INPP4B: variants seen among roughly 807,000 people sequenced by gnomAD.
The protein encoded by INPP4B is inositol polyphosphate 4-phosphatase type II.
In INPP4B, 55 loss-of-function variants were observed where a neutral mutation model predicts 122.5. The ratio of observed to expected loss-of-function variants is 0.45; its 90% CI spans 0.36 to 0.56. The LOEUF is 0.56. INPP4B is among the 20% of genes least tolerant of loss of function. The pLI, the probability that INPP4B is intolerant of heterozygous loss-of-function variation, is 0.00. For synonymous variants in INPP4B, 403 were observed against 388.7 expected (o/e 1.04, Z -0.43); for missense variants, 1,000 against 1,097.7 (o/e 0.91, Z 1.26).
intron 15 of INPP4B, among the ~76,000 whole-genome samples, chr4:142,175,918 A>G (rs2152957876): frequency 6.6e-6 from 1 of 152,178 alleles, no homozygotes; most frequent in South Asian, 2.1e-4. Flanking sequence ...AGCAGGACCT[A>G]CTTACAGACC....
At chr4:142,585,654 A>G (rs1424238037) in intron 2 of INPP4B, among the ~76,000 whole-genome samples, 2 of 152,032 alleles carry the variant, frequency 1.3e-5, no homozygotes, top group Non-Finnish European at 2.9e-5. Context: ...TCTCAGGAAA[A>G]GTTCCAGAAA....
chr4:142,138,261 T>C (rs1805726538), intron 18 of INPP4B, among the ~76,000 whole-genome samples: 1 of 151,260 alleles, frequency 6.6e-6, no homozygotes, highest in African/African-American at 2.4e-5. Flanking sequence ...CTGGAAATCA[T>C]CATTCTCAGT....
intron 1 of INPP4B, among the ~76,000 whole-genome samples, chr4:142,841,345 A>G (rs1783462936): frequency 6.6e-6 from 1 of 151,980 alleles, no homozygotes; most frequent in African/African-American, 2.4e-5. Context: ...TGGTTGTTCT[A>G]ATGGCAAGAG....
At chr4:142,628,594 ATTG>A (rs1747141897) in intron 2 of INPP4B, among the ~76,000 whole-genome samples, 1 of 141,986 alleles carries the variant, frequency 7.0e-6, no homozygotes, top group African/African-American at 2.6e-5. Context: ...TTGTTCTTTG[ATTG>A]TCACTTGCTA....
intron 2 of INPP4B, among the ~76,000 whole-genome samples, chr4:142,715,112 G>A (rs183979062): frequency 6.6e-6 from 1 of 152,270 alleles, no homozygotes; most frequent in East Asian, 1.9e-4. Context: ...CTGAGTAAGA[G>A]AGACCAAATC....
intron 21 of INPP4B, among the ~76,000 whole-genome samples, chr4:142,116,900 T>C (rs929514871): frequency 1.3e-5 from 2 of 151,706 alleles, no homozygotes; most frequent in African/African-American, 4.8e-5. Flanking sequence ...ATCAACAATA[T>C]TGACAGACCG....
intron 2 of INPP4B, among the ~76,000 whole-genome samples, chr4:142,545,823 A>ATATATATACACATATATACGTGTG (rs1560782754): frequency 8.4e-5 from 5 of 59,784 alleles, no homozygotes; most frequent in African/African-American, 1.3e-4. Context: ...ACATGTGTGT[A>ATATATATACACATATATACGTGTG]TATATATATA....
intron 25 of INPP4B, among the ~76,000 whole-genome samples, chr4:142,062,961 A>C (rs1761806049): frequency 6.6e-6 from 1 of 152,194 alleles, no homozygotes; most frequent in Non-Finnish European, 1.5e-5. Context: ...TTTCGTAGGC[A>C]CTTCAATATA....
At chr4:142,682,018 G>A (rs890457738) in intron 2 of INPP4B, among the ~76,000 whole-genome samples, 4 of 151,742 alleles carry the variant, frequency 2.6e-5, no homozygotes, top group African/African-American at 7.3e-5. Context: ...ACACCTTTGG[G>A]ATGTTTGTAT....
At chr4:142,103,187 A>G (rs1298775584) in intron 23 of INPP4B, among the ~76,000 whole-genome samples, 1 of 152,034 alleles carries the variant, frequency 6.6e-6, no homozygotes, top group African/African-American at 2.4e-5. Flanking sequence ...TCAACACATT[A>G]GATATTTTTG....
chr4:142,436,721 C>CA (rs936831136), intron 3 of INPP4B, among the ~76,000 whole-genome samples: 15 of 151,404 alleles, frequency 9.9e-5, no homozygotes, highest in African/African-American at 3.6e-4. Context: ...AGAGCATCAA[C>CA]AAAAATGTCC....
At chr4:142,600,416 C>A (rs1032481015) in intron 2 of INPP4B, among the ~76,000 whole-genome samples, 7 of 152,110 alleles carry the variant, frequency 4.6e-5, no homozygotes, top group Non-Finnish European at 7.4e-5. Context: ...CACAGATGAG[C>A]AAATGCTGAG....
chr4:142,678,064 G>A (rs185014997), intron 2 of INPP4B, among the ~76,000 whole-genome samples: 1 of 151,902 alleles, frequency 6.6e-6, no homozygotes, highest in Non-Finnish European at 1.5e-5. Flanking sequence ...GTCTTGTCAT[G>A]TTGAGACCAA....
At position 142,735,805 on chromosome 4, in the gene INPP4B, G is replaced by T. The variant is rs112130654; in HGVS notation, c.-253-9904C>A. Among the ~76,000 whole-genome samples, 8 of 151,782 alleles carry T rather than the reference G, an allele frequency of 5.3e-5. 1 individual carries two copies. Among genetic ancestry groups the T allele is most frequent in the African/African-American group, 1.9e-4 (8 of 41,396 alleles). On this transcript the variant is annotated intron_variant, in intron 1 of 25. Transcript: ENST00000262992. ...CAAATTCTATTCTTTGTATGTCTTTGCTATTTTCTATATTTTCATGCATTC... is the reference window on the plus strand; with the variant it reads ...CAAATTCTATTCTTTGTATGTCTTTTCTATTTTCTATATTTTCATGCATTC...
intron 2 of INPP4B, among the ~76,000 whole-genome samples, chr4:142,648,838 G>A (rs540912877): frequency 6.6e-6 from 1 of 152,338 alleles, no homozygotes; most frequent in African/African-American, 2.4e-5. Context: ...TCTGAAGACA[G>A]CTGTAGTTCT....
chr4:142,543,647 A>C (rs568830731), intron 2 of INPP4B, among the ~76,000 whole-genome samples: 1 of 152,260 alleles, frequency 6.6e-6, no homozygotes, highest in Non-Finnish European at 1.5e-5. Context: ...TCTTCATTGC[A>C]CAGCATTTTT....
At chr4:142,556,664 G>T (rs977501384) in intron 2 of INPP4B, among the ~76,000 whole-genome samples, 4 of 152,058 alleles carry the variant, frequency 2.6e-5, no homozygotes, top group Non-Finnish European at 4.4e-5. Flanking sequence ...CTTGAGAAGA[G>T]GGGGAGGTAT....
chr4:142,623,655 T>C (rs1310509685), intron 2 of INPP4B, among the ~76,000 whole-genome samples: 1 of 151,924 alleles, frequency 6.6e-6, no homozygotes, highest in Non-Finnish European at 1.5e-5. Context: ...GCCATGCTCG[T>C]GTGCTGCACC....
intron 5 of INPP4B, among the ~76,000 whole-genome samples, chr4:142,411,875 G>T: frequency 6.6e-6 from 1 of 152,242 alleles, no homozygotes; most frequent in Non-Finnish European, 1.5e-5. Flanking sequence ...CTGGGTGACA[G>T]AGTGAGACTC....
Sources: gnomAD v4.1 joint callset for allele counts (sites outside exome capture counted in the v4.1 genomes callset) on GRCh38, gnomAD v4.1.1 for gene constraint, MANE v1.5 for transcripts, NCBI Gene and HGNC (gene_info 2026-07-23, HGNC 2026-07-21) for gene names.